Variants in MMP19 observed in about 807,000 individuals in gnomAD.
MMP19 encodes the protein matrix metallopeptidase 19.
In MMP19, 47 loss-of-function variants were observed where a neutral mutation model predicts 46.6. The ratio of observed to expected loss-of-function variants is 1.01; its 90% confidence interval spans 0.80 to 1.29. The LOEUF is 1.29. Among genes scored for constraint, MMP19 ranks in the 50% most tolerant of loss-of-function variants. The pLI is 0.00. For missense variants in MMP19, 589 were observed against 643.5 expected, an observed-to-expected ratio of 0.92 and a Z score of 0.92; for synonymous variants, 222 against 248.5, an observed-to-expected ratio of 0.89 and a Z score of 1.00.
Position 55,836,976 on chromosome 12 carries a change from A to AC in MMP19, c.*59_*60insG. ...GCCTTAGGCTTCTGGGGGGGAAATG[A>AC]AAGGGTGGGTGGTGGAGCCTCAGGG... On this transcript the variant is annotated 3_prime_UTR_variant, in exon 9 of 9. Transcript: ENST00000322569. The AC allele has an allele frequency of 7.0e-7, 1 of 1,429,674 alleles. No individual in the cohort carries two copies. The highest frequency in any genetic ancestry group is 1.4e-5 in the South Asian group (1 of 73,348). 88.6% of individuals were successfully genotyped at this position (1,429,674 alleles called of 1,614,324 possible).
At chr12:55,841,394 G>GGA in intron 2 of MMP19, 158 bp from the exon 3 acceptor site, 1 of 706,246 alleles carries the variant, frequency 1.4e-6, no homozygotes, top group Non-Finnish European at 2.3e-6. Context: ...CCTCATAACT[G>GGA]GGACTTTCTC....
At chr12:55,839,418 T>C (rs1881506777) in intron 5 of MMP19, 78 bp downstream of exon 5, 11 of 1,500,952 alleles carry the variant, frequency 7.3e-6, no homozygotes, top group East Asian at 2.3e-5. Flanking sequence ...TATCCCTACA[T>C]GGAGGCTAGA....
rs763797729 is a variant in MMP19, at chr12:55,837,027, G to T, written c.*9C>A. The T allele has an allele frequency of 1.3e-6, 2 of 1,550,644 alleles. No individual in the cohort carries two copies. The highest frequency in any genetic ancestry group is 3.7e-5 in the Admixed American group (2 of 54,098). ...GTTAATGTCCAAGATTGTGTCTGTG[G>T]GTGAGCAGTCAGTATTCAAACGTGG... On this transcript the variant is annotated 3_prime_UTR_variant, in exon 9 of 9. Coordinates refer to ENST00000322569, the MANE Select transcript of MMP19 (RefSeq NM_002429.6).
At position 55,842,902 on chromosome 12, in the gene MMP19, C is replaced by A. The variant is rs1881803763; in HGVS notation, c.-72G>T. 1 of 1,203,810 alleles carries A rather than the reference C, an allele frequency of 8.3e-7. No homozygotes were observed. The allele number at this position is 1,203,810 out of a possible 1,614,324, so 74.6% of individuals were successfully genotyped here. On this transcript the variant is annotated 5_prime_UTR_variant, in exon 1 of 9. Coordinates refer to ENST00000322569, the MANE Select transcript of MMP19 (RefSeq NM_002429.6). ...GAGATTTCTGGGAGCCTTGGGGGAG[C>A]AGTGCTAGGCAGAGGGGCTCTTACC...
At chr12:55,839,948 C>A in intron 4 of MMP19, 1 of 640,314 alleles carries the variant, frequency 1.6e-6, no homozygotes, top group Admixed American at 3.0e-5. Flanking sequence ...CTTACCTTCC[C>A]AGCCACTCCC....
chr12:55,841,241 A>G lies in MMP19; in HGVS notation c.174-5T>C, dbSNP rs1881674402. 3.1e-6 allele frequency: 5 copies of G among 1,610,958 alleles called. No individual in the cohort carries two copies. In the Admixed American group the frequency reaches 8.3e-5, roughly 27 times the overall value. ...TCAGATGCTTCCTGAAAAGCTCTGA[A>G]GGAGGGAGAGGGATGGGTCTACCAG... On this transcript the variant is annotated splice_polypyrimidine_tract_variant and splice_region_variant and intron_variant, in intron 2 of 8. Transcript: ENST00000322569.
chr12:55,838,962 G>A (rs17844802), intron 5 of MMP19, among the ~76,000 whole-genome samples: 119 of 152,284 alleles, frequency 7.8e-4, no homozygotes, highest in African/African-American at 2.8e-3. Flanking sequence ...CATTCTTGCC[G>A]GGTGTGGTGG....
rs1223200749 is a variant in MMP19 at position 55,836,568 on chromosome 12, A to G, written c.*468T>C. 6.5e-6 allele frequency: 1 copy of G among 154,282 alleles called. No homozygotes were observed. Among genetic ancestry groups the G allele is most frequent in the Non-Finnish European group, 1.4e-5 (1 of 69,336 alleles). The allele number at this position is 154,282 out of a possible 1,614,324, so 9.6% of individuals were successfully genotyped here. ...TTGCAAATGGGGAATCTGAGATTCA[A>G]CAAGGTTAATTAGCTTGCCCGTAAT... On this transcript the variant is annotated 3_prime_UTR_variant, in exon 9 of 9. Coordinates refer to ENST00000322569, the MANE Select transcript of MMP19 (RefSeq NM_002429.6).
chr12:55,838,776 C>T, intron 5 of MMP19, 42 bp from the exon 6 acceptor site: 5 of 1,492,014 alleles, frequency 3.4e-6, no homozygotes, highest in Non-Finnish European at 4.5e-6. Context: ...GAACTCACAG[C>T]ACCTGTCCTC....
In MMP19 at chr12:55,842,893, T is replaced by C. The variant is rs745554232; in HGVS notation, c.-63A>G. The stretch of plus-strand genomic sequence containing the variant: ...CTCTGACCTGAGATTTCTGGGAGCC[T>C]TGGGGGAGCAGTGCTAGGCAGAGGG... On this transcript the variant is annotated 5_prime_UTR_variant, in exon 1 of 9. Transcript: ENST00000322569. 12 of 1,369,974 alleles carry C rather than the reference T, an allele frequency of 8.8e-6. No individual in the cohort carries two copies. The highest frequency in any genetic ancestry group is 1.1e-5 in the Non-Finnish European group (11 of 985,348). 84.9% of individuals were successfully genotyped at this position (1,369,974 alleles called of 1,614,324 possible).
rs1215546437 is a variant in MMP19 at position 55,837,017 on chromosome 12, T to C, written c.*19A>G. The C allele has an allele frequency of 1.3e-6, 2 of 1,538,592 alleles. No individual in the cohort carries two copies. Among genetic ancestry groups the C allele is most frequent in the Non-Finnish European group, 1.8e-6 (2 of 1,139,230 alleles). On this transcript the variant is annotated 3_prime_UTR_variant, in exon 9 of 9. Coordinates refer to ENST00000322569, the MANE Select transcript of MMP19 (RefSeq NM_002429.6). ...AGCCTCAGGGGTTAATGTCCAAGATTGTGTCTGTGGGTGAGCAGTCAGTAT... is the reference window on the plus strand; with the variant it reads ...AGCCTCAGGGGTTAATGTCCAAGATCGTGTCTGTGGGTGAGCAGTCAGTAT...
rs150245388 is a variant in MMP19 at position 55,838,005 on chromosome 12, G to T, written c.898C>A (p.Pro300Thr). 2 of 1,579,122 alleles carry T rather than the reference G, an allele frequency of 1.3e-6. No homozygotes were observed. Among genetic ancestry groups the T allele is most frequent in the Admixed American group, 1.8e-5 (1 of 57,114 alleles). ...SSELDAMMLG[P>T]RGKTYAFKGD... Reference sequence around the variant, plus strand: ...TTGAAAGCATAGGTCTTCCCACGGGGCCCTGAGCGTAATGGTGTGTCAACA... The same window carrying T: ...TTGAAAGCATAGGTCTTCCCACGGGTCCCTGAGCGTAATGGTGTGTCAACA... The change falls in exon 7 of 9, where the codon CCC becomes ACC. Residue 300 changes from proline to threonine, a missense_variant and splice_region_variant. Physicochemically the swap from Pro to Thr is conservative, Grantham distance 38. Coordinates refer to ENST00000322569, the MANE Select transcript of MMP19 (RefSeq NM_002429.6).
Position 55,837,172 on chromosome 12 carries a change from T to C in MMP19, c.1391A>G (p.Asn464Ser). 3 of 1,614,202 alleles carry C rather than the reference T, an allele frequency of 1.9e-6. No homozygotes were observed. The highest frequency in any genetic ancestry group is 2.5e-6 in the Non-Finnish European group (3 of 1,180,038). The change falls in exon 9 of 9, where the codon AAT becomes AGT. Residue 464 changes from asparagine (N) to serine (S), a missense_variant. Asn to Ser is a conservative substitution (Grantham distance 46). Transcript: ENST00000322569. ...QLRVEKGYPR[N>S]ISHNWMHCRP... ...ACAGTGCATCCAGTTGTGGGAAATA[T>C]TTCTGGGATAGCCTTTCTCTACTCG...
At position 55,842,332 on chromosome 12, in the gene MMP19, A is replaced by G. The variant is rs574985057; in HGVS notation, c.173+21T>C. On this transcript the variant is annotated intron_variant, in intron 2 of 8. Coordinates refer to ENST00000322569, the MANE Select transcript of MMP19 (RefSeq NM_002429.6). ...ACCTTGAGACCTTAGCCCTAAAGGCATACACCTCATAGCTTCTCACCTCAG... is the reference window on the plus strand; with the variant it reads ...ACCTTGAGACCTTAGCCCTAAAGGCGTACACCTCATAGCTTCTCACCTCAG... The G allele has an allele frequency of 6.2e-6, 10 of 1,600,390 alleles. No individual in the cohort carries two copies. In the South Asian group the frequency reaches 8.8e-5, roughly 14 times the overall value.
rs77793299 is a variant in MMP19 at position 55,837,664 on chromosome 12, T to C, written c.1079A>G (p.Tyr360Cys). Reference protein sequence around the residue: ...HFFKGDKVWRYINFKMSPGFP... With the variant: ...HFFKGDKVWRCINFKMSPGFP... ...GCCAGGAGACATCTTGAAATTAATG[T>C]AGCGCCACACCTTGTCTCCTGAGAG... The change falls in exon 8 of 9, where the codon TAC becomes TGC. Residue 360 changes from tyrosine to cysteine, a missense_variant. By Grantham distance (194) the Tyr-to-Cys change is radical. Transcript: ENST00000322569. The C allele has an allele frequency of 4.0e-5, 65 of 1,614,238 alleles. 1 individual carries two copies. In the East Asian group the frequency reaches 1.3e-3, roughly 33 times the overall value.
chr12:55,841,972 A>T (rs1452069537), intron 2 of MMP19, among the ~76,000 whole-genome samples: 1 of 152,210 alleles, frequency 6.6e-6, no homozygotes, highest in Non-Finnish European at 1.5e-5. Flanking sequence ...CATTACATCA[A>T]CATATAAAAC....
intron 8 of MMP19, 74 bp downstream of exon 8, chr12:55,837,481 G>T (rs140916750): frequency 1.0e-5 from 16 of 1,597,790 alleles, no homozygotes; most frequent in South Asian, 1.1e-5. Flanking sequence ...CCCTTCAAGC[G>T]CAAGCTTTGC....
intron 5 of MMP19, 64 bp downstream of exon 5, chr12:55,839,432 G>T: frequency 6.5e-7 from 1 of 1,534,440 alleles, no homozygotes; most frequent in Non-Finnish European, 8.8e-7. Context: ...GGCTAGACCT[G>T]TCTCTTCAAG....
At position 55,842,735 on chromosome 12, in the gene MMP19, G is replaced by A. The variant is rs1277285560; in HGVS notation, c.87+9C>T. 1 of 1,598,834 alleles carries A rather than the reference G, an allele frequency of 6.3e-7. No homozygotes were observed. Among genetic ancestry groups the A allele is most frequent in the African/African-American group, 1.3e-5 (1 of 74,612 alleles). ...CCGCTGGCCCAGGTCTCTTTCTTGGGGGACTTACCACAGGCGCCACCTCTG... is the reference window on the plus strand; with the variant it reads ...CCGCTGGCCCAGGTCTCTTTCTTGGAGGACTTACCACAGGCGCCACCTCTG... On this transcript the variant is annotated intron_variant, in intron 1 of 8. Coordinates refer to ENST00000322569, the MANE Select transcript of MMP19 (RefSeq NM_002429.6).
Sources: allele counts gnomAD v4.1 joint callset (sites outside exome capture counted in the v4.1 genomes callset), GRCh38; gene constraint gnomAD v4.1.1; transcripts MANE v1.5; gene names NCBI Gene and HGNC (gene_info 2026-07-23, HGNC 2026-07-21).